The following PHACTR4 variants were observed in gnomAD, a reference collection of about 807,000 sequenced individuals.
The protein encoded by PHACTR4 is protein phosphatase 1, regulatory subunit 124.
A neutral mutation model predicts 72.7 loss-of-function variants in PHACTR4; 51 were observed. That is an observed-to-expected ratio of 0.70 (90% CI 0.56 to 0.89). The LOEUF (loss-of-function observed/expected upper bound fraction) is 0.89, where lower values mean the gene tolerates loss of function less well. PHACTR4 is among the 40% of genes least tolerant of loss of function. PHACTR4 has a pLI of 0.00. For synonymous variants in PHACTR4, 255 were observed against 302.5 expected, an observed-to-expected ratio of 0.84 and a Z score of 1.63; for missense variants, 731 against 861.8, an observed-to-expected ratio of 0.85 and a Z score of 1.90.
chr1:28,399,964 A>G (rs561413063), intron 1 of PHACTR4, among the ~76,000 whole-genome samples: 1 of 152,324 alleles, frequency 6.6e-6, no homozygotes, highest in South Asian at 2.1e-4. Flanking sequence ...TTGTTATGTT[A>G]CAGAAACAAT....
chr1:28,492,142 A>T (rs1263489938), intron 12 of PHACTR4, among the ~76,000 whole-genome samples: 1 of 152,172 alleles, frequency 6.6e-6, no homozygotes, highest in Non-Finnish European at 1.5e-5. Context: ...TGCTGTGAAA[A>T]ACTATAAAAG....
rs757984610 is a variant in PHACTR4 at position 28,460,359 on chromosome 1, A to T, written c.271+67A>T. The stretch of plus-strand genomic sequence containing the variant: ...TTGGTCTTTGATTGGGTCTGACGAG[A>T]TATTTGAATTTTCTTTCTTTCTTTT... On this transcript the variant is annotated intron_variant, in intron 4 of 13. Coordinates refer to ENST00000373839, the MANE Select transcript of PHACTR4 (RefSeq NM_001048183.3). The T allele has an allele frequency of 4.3e-6, 5 of 1,151,708 alleles. No individual in the cohort carries two copies. The South Asian group carries it at 7.3e-5, about 17-fold the overall frequency. The allele number at this position is 1,151,708 out of a possible 1,614,324, so 71.3% of individuals were successfully genotyped here. A position where few individuals can be genotyped will look rare whatever the true frequency, so the allele number is the denominator to read the frequency against.
chr1:28,442,080 A>G (rs918347887), intron 2 of PHACTR4, among the ~76,000 whole-genome samples: 5 of 152,202 alleles, frequency 3.3e-5, no homozygotes, highest in African/African-American at 1.2e-4. Context: ...ATTCTTTACT[A>G]TGTGTCATAT....
At position 28,491,753 on chromosome 1, in the gene PHACTR4, A is replaced by G; in HGVS notation, c.1982A>G (p.Asp661Gly). 6.2e-7 allele frequency: 1 copy of G among 1,614,126 alleles called. No individual in the cohort carries two copies. Among genetic ancestry groups the G allele is most frequent in the Non-Finnish European group, 8.5e-7 (1 of 1,179,988 alleles). Reference sequence around the variant, plus strand: ...GCTCAAGATTATGACCGGCGAGCCGACAAACCTTGGACCAAACTGACCCCT... The same window carrying G: ...GCTCAAGATTATGACCGGCGAGCCGGCAAACCTTGGACCAAACTGACCCCT... ...TDAQDYDRRADKPWTKLTPAD... is the reference protein window; with the variant it reads ...TDAQDYDRRAGKPWTKLTPAD... The change falls in exon 12 of 14, where the codon GAC becomes GGC. Residue 661 changes from aspartate to glycine, a missense_variant. This residue lies in a region of PHACTR4 where 110 missense variants were observed against 185.2 expected (regional missense o/e 0.59). Coordinates refer to ENST00000373839, the MANE Select transcript of PHACTR4 (RefSeq NM_001048183.3).
chr1:28,488,212 G>A (rs1475402384), intron 9 of PHACTR4, among the ~76,000 whole-genome samples: 1 of 151,960 alleles, frequency 6.6e-6, no homozygotes, highest in African/African-American at 2.4e-5. Context: ...ACCTAGCTGG[G>A]CATGGCCAGG....
intron 2 of PHACTR4, among the ~76,000 whole-genome samples, chr1:28,408,314 C>T (rs1057271839): frequency 3.9e-5 from 6 of 152,118 alleles, no homozygotes; most frequent in Non-Finnish European, 7.4e-5. Context: ...AATCCCAGCA[C>T]TTTGGGAGGC....
intron 2 of PHACTR4, among the ~76,000 whole-genome samples, chr1:28,455,430 C>T (rs986917110): frequency 6.6e-6 from 1 of 152,022 alleles, no homozygotes; most frequent in Non-Finnish European, 1.5e-5. Context: ...CTCCTGATCT[C>T]AGGTGGTCTG....
At chr1:28,476,543 ATT>A (rs567564119) in intron 8 of PHACTR4, among the ~76,000 whole-genome samples, 31 of 133,224 alleles carry the variant, frequency 2.3e-4, no homozygotes, top group Non-Finnish European at 2.9e-4. Flanking sequence ...TTTTGTTTTA[ATT>A]TTTTTTTTTT....
intron 1 of PHACTR4, among the ~76,000 whole-genome samples, chr1:28,370,114 T>G (rs1414954274): frequency 1.3e-5 from 2 of 151,690 alleles, no homozygotes; most frequent in Admixed American, 6.6e-5. Flanking sequence ...TGGGCTGCGT[T>G]GCTCCCCCTT....
chr1:28,476,787 T>TTTTTTTTTTTTTTTTTA (rs1659951822), intron 8 of PHACTR4, among the ~76,000 whole-genome samples: 5 of 143,586 alleles, frequency 3.5e-5, no homozygotes, highest in Admixed American at 6.9e-5. Flanking sequence ...TTTTTTTTTT[T>TTTTTTTTTTTTTTTTTA]GAGACGGAGT....
At chr1:28,412,547 G>A (rs577901878) in intron 2 of PHACTR4, among the ~76,000 whole-genome samples, 4 of 152,302 alleles carry the variant, frequency 2.6e-5, no homozygotes, top group Admixed American at 6.5e-5. Flanking sequence ...TAACTGTGTA[G>A]TTGTGAAGAA....
intron 3 of PHACTR4, among the ~76,000 whole-genome samples, chr1:28,459,930 G>A (rs1658674676): frequency 2.0e-5 from 3 of 152,032 alleles, no homozygotes; most frequent in African/African-American, 7.2e-5. Flanking sequence ...TTTCTACTCT[G>A]CCCATCCACA....
At chr1:28,397,554 G>C (rs962294071) in intron 1 of PHACTR4, among the ~76,000 whole-genome samples, 3 of 152,094 alleles carry the variant, frequency 2.0e-5, no homozygotes, top group Non-Finnish European at 4.4e-5. Context: ...GAAAGGAATA[G>C]AAAAGGCAGA....
At chr1:28,392,138 A>G (rs1458937332) in intron 1 of PHACTR4, among the ~76,000 whole-genome samples, 2 of 152,054 alleles carry the variant, frequency 1.3e-5, no homozygotes, top group African/African-American at 4.8e-5. Context: ...CCAGCAACAA[A>G]CAATTCATTA....
At chr1:28,480,404 G>T in intron 8 of PHACTR4, 47 bp from the exon 9 acceptor site, 2 of 1,605,170 alleles carry the variant, frequency 1.2e-6, no homozygotes, top group Non-Finnish European at 1.7e-6. Flanking sequence ...TTGAACCTTT[G>T]GCTTTAAGCC....
In PHACTR4 at chr1:28,385,528, G is replaced by T. The variant is rs971201695; in HGVS notation, c.-39+15703G>T. ...ACTGCACTCCAGCTTGGGCGACAGA[G>T]CAAGACTCTGTCTCAAAAAAAAAAA... On this transcript the variant is annotated intron_variant, in intron 1 of 13. Transcript: ENST00000373839. Among the ~76,000 whole-genome samples, 3 of 131,328 alleles carry T rather than the reference G, an allele frequency of 2.3e-5. No homozygotes were observed. The Admixed American group carries it at 2.3e-4, about 10-fold the overall frequency. The allele number at this position is 131,328 out of a possible 152,430, so 86.2% of individuals were successfully genotyped here.
At chr1:28,482,775 AC>A (rs1393248512) in intron 9 of PHACTR4, among the ~76,000 whole-genome samples, 2 of 151,888 alleles carry the variant, frequency 1.3e-5, no homozygotes, top group Admixed American at 1.3e-4. Context: ...TCCCATCTGT[AC>A]AAAAAATTAA....
rs113514843 is a variant in PHACTR4 at position 28,437,302 on chromosome 1, C to T, written c.17-21783C>T. Among the ~76,000 whole-genome samples the T allele has an allele frequency of 9.1e-4, 138 of 152,156 alleles. 1 individual carries two copies. The highest frequency in any genetic ancestry group is 3.2e-3 in the African/African-American group (133 of 41,498). On this transcript the variant is annotated intron_variant, in intron 2 of 13. Coordinates refer to ENST00000373839, the MANE Select transcript of PHACTR4 (RefSeq NM_001048183.3). ...GGAGTGCAGTGGTGTAATCACAGCT[C>T]ACAACTCACCTCCTGGGCTCAGGCA...
At chr1:28,423,957 A>G (rs1655672683) in intron 2 of PHACTR4, among the ~76,000 whole-genome samples, 1 of 152,204 alleles carries the variant, frequency 6.6e-6, no homozygotes, top group Non-Finnish European at 1.5e-5. Flanking sequence ...ATAACAGAGT[A>G]GATAAATTTG....
Sources: allele counts gnomAD v4.1 joint callset (sites outside exome capture counted in the v4.1 genomes callset), GRCh38; gene constraint gnomAD v4.1.1; regional missense constraint gnomAD v4.1.1; transcripts MANE v1.5; gene names NCBI Gene and HGNC (gene_info 2026-07-23, HGNC 2026-07-21).